The following HELZ variants were observed in gnomAD, a reference collection of about 807,000 sequenced individuals.
HELZ encodes the protein helicase with zinc finger, also known as ATP-dependent RNA helicase with zinc finger domain.
A neutral mutation model predicts 218.2 loss-of-function variants in HELZ; 23 were observed. That is an observed-to-expected ratio of 0.11 (90% CI 0.08 to 0.15). The LOEUF (loss-of-function observed/expected upper bound fraction) is 0.15, where lower values mean the gene tolerates loss of function less well. HELZ is among the 10% of genes least tolerant of loss of function. The pLI, the probability that HELZ is intolerant of heterozygous loss-of-function variation, is 1.00. For synonymous variants in HELZ, 814 were observed against 829.4 expected (o/e 0.98, Z 0.32); for missense variants, 1,813 against 2,353.7 (o/e 0.77, Z 4.75).
chr17:67,087,401 C>T (rs2036426701), intron 31 of HELZ, among the ~76,000 whole-genome samples: 1 of 152,160 alleles, frequency 6.6e-6, no homozygotes, highest in Admixed American at 6.5e-5. Context: ...TAGTTGTTTT[C>T]AGTTCTAAAA....
chr17:67,163,785 C>T (rs1389067859), intron 15 of HELZ, among the ~76,000 whole-genome samples: 1 of 152,118 alleles, frequency 6.6e-6, no homozygotes, highest in Admixed American at 6.5e-5. Context: ...CCTCCCACCT[C>T]GGCCTCCCCA....
chr17:67,079,517 G>GA (rs1187634044), intron 32 of HELZ, among the ~76,000 whole-genome samples: 3 of 152,044 alleles, frequency 2.0e-5, no homozygotes, highest in African/African-American at 7.2e-5. Flanking sequence ...CCTTCCTCAG[G>GA]ATAAGTGCCT....
intron 29 of HELZ, 92 bp downstream of exon 29, chr17:67,109,024 A>C: frequency 9.1e-7 from 1 of 1,094,034 alleles, no homozygotes; most frequent in Non-Finnish European, 1.3e-6. Flanking sequence ...TATTTGAAGA[A>C]ACAATTCAAT....
At chr17:67,094,935 G>A (rs903344344) in intron 31 of HELZ, among the ~76,000 whole-genome samples, 5 of 152,230 alleles carry the variant, frequency 3.3e-5, no homozygotes, top group Admixed American at 6.5e-5. Context: ...GGTGGTTGCT[G>A]AAGGCTGAGG....
chr17:67,212,920 T>C (rs2081330095), intron 5 of HELZ, among the ~76,000 whole-genome samples: 2 of 152,202 alleles, frequency 1.3e-5, no homozygotes, highest in Non-Finnish European at 2.9e-5. Flanking sequence ...ACTCCACCAA[T>C]ACCACAAAAG....
At position 67,109,355 on chromosome 17, in the gene HELZ, G is replaced by A; in HGVS notation, c.4250C>T (p.Pro1417Leu). Residue 1417 changes from proline to leucine, a missense_variant, in exon 29 of 33, where the codon CCT (proline) becomes CTT (leucine). Pro to Leu is a moderately conservative substitution (Grantham distance 98, BLOSUM62 -3). This residue lies in a region of HELZ where 938 missense variants were observed against 1,027.5 expected (regional missense o/e 0.91). Coordinates refer to ENST00000358691, the MANE Select transcript of HELZ (RefSeq NM_014877.4). Reference protein sequence around the residue: ...QLNQQPQQPPPQLSPAYQAGP... With the variant: ...QLNQQPQQPPLQLSPAYQAGP... ...CGCCTGATATGCAGGAGAAAGCTGA[G>A]GAGGTGGCTGCTGAGGCTGCTGATT... 1 of 1,614,188 alleles carries A rather than the reference G, an allele frequency of 6.2e-7. No individual in the cohort carries two copies. Among genetic ancestry groups the A allele is most frequent in the Non-Finnish European group, 8.5e-7 (1 of 1,180,034 alleles).
At chr17:67,228,460 G>C (rs1045959580) in intron 3 of HELZ, among the ~76,000 whole-genome samples, 1 of 151,976 alleles carries the variant, frequency 6.6e-6, no homozygotes, top group East Asian at 1.9e-4. Context: ...TTAGGAGTTC[G>C]AGACCAGCCA....
intron 20 of HELZ, among the ~76,000 whole-genome samples, chr17:67,147,644 A>ATT (rs761333225): frequency 1.4e-5 from 2 of 138,932 alleles, no homozygotes; most frequent in African/African-American, 5.3e-5. Flanking sequence ...TGCCCTGCTA[A>ATT]TTTTTTTTTT....
In HELZ at chr17:67,188,627, G is replaced by A; in HGVS notation, c.865-11C>T. On this transcript the variant is annotated splice_polypyrimidine_tract_variant and intron_variant, in intron 11 of 32. Transcript: ENST00000358691. The surrounding 1 kb of genome is among the most constrained non-coding windows in gnomAD (Gnocchi z 4.1). ...CAGCATTCTTGCAGGCTACAAGGAA[G>A]TTAAAATAATTCATTGAGTACAAGG... 1 of 1,606,034 alleles carries A rather than the reference G, an allele frequency of 6.2e-7. No homozygotes were observed. Among genetic ancestry groups the A allele is most frequent in the Non-Finnish European group, 8.5e-7 (1 of 1,174,212 alleles).
In HELZ at chr17:67,078,544, G is replaced by A. The variant is rs753664258; in HGVS notation, c.5537C>T (p.Ser1846Leu). 15 of 1,494,608 alleles carry A rather than the reference G, an allele frequency of 1.0e-5. No homozygotes were observed. Among genetic ancestry groups the A allele is most frequent in the East Asian group, 2.4e-5 (1 of 42,228 alleles). 92.6% of individuals were successfully genotyped at this position (1,494,608 alleles called of 1,614,324 possible). Residue 1846 changes from serine to leucine, a missense_variant, in exon 33 of 33, where the codon TCG becomes TTG. Ser to Leu is a moderately radical substitution (Grantham distance 145). Transcript: ENST00000358691. ...GGAACTGGACACCTCGAGGTTCTCCGACTTCAGTTGATCCTCAGGGGGTTT... is the reference window on the plus strand; with the variant it reads ...GGAACTGGACACCTCGAGGTTCTCCAACTTCAGTTGATCCTCAGGGGGTTT... ...TVKPPEDQLKSENLEVSSSFN... is the reference protein window; with the variant it reads ...TVKPPEDQLKLENLEVSSSFN...
chr17:67,243,007 A>C (rs2041367413), intron 2 of HELZ, among the ~76,000 whole-genome samples: 1 of 152,206 alleles, frequency 6.6e-6, no homozygotes, highest in East Asian at 1.9e-4. Context: ...CTAAAAAAAA[A>C]CTTAGTAAAA....
At chr17:67,173,157 T>C (rs541219082) in intron 13 of HELZ, 131 of 307,388 alleles carry the variant, frequency 4.3e-4, no homozygotes, top group African/African-American at 2.8e-3. Context: ...ATGTTCAAGA[T>C]GCAGACATTA....
chr17:67,133,217 T>G (rs1322370614), intron 23 of HELZ, among the ~76,000 whole-genome samples: 2 of 152,184 alleles, frequency 1.3e-5, no homozygotes, highest in Admixed American at 1.3e-4. Flanking sequence ...AATTAATGTA[T>G]ATACCTTGAC....
chr17:67,232,117 A>C (rs1160852897), intron 3 of HELZ, among the ~76,000 whole-genome samples: 1 of 150,128 alleles, frequency 6.7e-6, no homozygotes, highest in Non-Finnish European at 1.5e-5. Context: ...AGGTGATGCT[A>C]TTACAGCTTT....
At chr17:67,095,350 TAGTG>T (rs2036710705) in intron 31 of HELZ, among the ~76,000 whole-genome samples, 1 of 151,816 alleles carries the variant, frequency 6.6e-6, no homozygotes, top group Non-Finnish European at 1.5e-5. Flanking sequence ...CTGGGTAACA[TAGTG>T]AGATACAAAC....
rs560009615 is a variant in HELZ, at chr17:67,145,926, T to C, written c.2622-36A>G. 3.8e-6 allele frequency: 6 copies of C among 1,578,626 alleles called. No homozygotes were observed. The South Asian group carries it at 4.8e-5, about 13-fold the overall frequency. ...AGACAAAAAGAAAAAAGGGGGAAAA[T>C]CTACATCAAAATTAATTTCACCCAT... On this transcript the variant is annotated intron_variant, in intron 20 of 32. Transcript: ENST00000358691.
chr17:67,178,949 T>C (rs1037853426), intron 12 of HELZ, 23 bp from the exon 13 acceptor site: 7 of 1,513,762 alleles, frequency 4.6e-6, no homozygotes, highest in Admixed American at 2.0e-5. Flanking sequence ...AAAAAACACA[T>C]TTATAAAGAA....
chr17:67,173,347 A>G (rs2039364979), intron 13 of HELZ, among the ~76,000 whole-genome samples: 1 of 152,220 alleles, frequency 6.6e-6, no homozygotes, highest in Non-Finnish European at 1.5e-5. Flanking sequence ...ATATTTCTTA[A>G]TAAGAAGAAA....
intron 13 of HELZ, among the ~76,000 whole-genome samples, chr17:67,177,783 A>T (rs962442721): frequency 5.9e-5 from 9 of 152,166 alleles, no homozygotes; most frequent in Non-Finnish European, 1.2e-4. Flanking sequence ...AAGTTAGATC[A>T]TAACTAATCT....
Sources: allele counts gnomAD v4.1 joint callset (sites outside exome capture counted in the v4.1 genomes callset), GRCh38; gene constraint gnomAD v4.1.1; regional missense constraint gnomAD v4.1.1; non-coding constraint Gnocchi (gnomAD v3.1); transcripts MANE v1.5; gene names NCBI Gene and HGNC (gene_info 2026-07-23, HGNC 2026-07-21).